ARMH3: variants seen among roughly 807,000 people sequenced by gnomAD.
ARMH3 encodes the protein armadillo like helical domain containing 3.
In ARMH3, 60 loss-of-function variants were observed where a neutral mutation model predicts 99.1. The ratio of observed to expected loss-of-function variants is 0.61; its 90% CI spans 0.49 to 0.75. The LOEUF is 0.75. Ranked by LOEUF, ARMH3 falls within the 30% of genes least tolerant of loss-of-function variation. The pLI is 0.00. For synonymous variants in ARMH3, 285 were observed against 292.8 expected, an observed-to-expected ratio of 0.97 and a Z score of 0.27; for missense variants, 679 against 843.1, an observed-to-expected ratio of 0.81 and a Z score of 2.41.
intron 8 of ARMH3, among the ~76,000 whole-genome samples, chr10:102,015,888 C>T (rs764896485): frequency 2.1e-4 from 32 of 152,228 alleles, no homozygotes; most frequent in Non-Finnish European, 3.4e-4. Flanking sequence ...AATCCTAACG[C>T]TTTGGTAGGC....
At chr10:101,879,355 A>AT (rs780370509) in intron 24 of ARMH3, among the ~76,000 whole-genome samples, 285 of 143,370 alleles carry the variant, frequency 2.0e-3, no homozygotes, top group East Asian at 3.3e-3. Flanking sequence ...TTACATAAGA[A>AT]TTTTTTTTTT....
At chr10:101,882,759 A>T (rs565806196) in intron 24 of ARMH3, among the ~76,000 whole-genome samples, 1 of 152,298 alleles carries the variant, frequency 6.6e-6, no homozygotes, top group Non-Finnish European at 1.5e-5. Flanking sequence ...GCCCGCCCAA[A>T]GTGCTGGGAT....
intron 13 of ARMH3, among the ~76,000 whole-genome samples, chr10:102,008,766 C>A (rs894184086): frequency 6.6e-6 from 1 of 151,522 alleles, no homozygotes; most frequent in African/African-American, 2.4e-5. Flanking sequence ...AGGGTTTCAC[C>A]GTGTTAGCCA....
chr10:101,949,664 C>T (rs1471548917), intron 22 of ARMH3, among the ~76,000 whole-genome samples: 2 of 152,074 alleles, frequency 1.3e-5, no homozygotes, highest in Non-Finnish European at 2.9e-5. Flanking sequence ...CACTCTTAAA[C>T]AAATTCTTCT....
chr10:101,847,658 C>A (rs368368035), intron 25 of ARMH3, 38 bp from the exon 26 acceptor site: 1 of 1,582,092 alleles, frequency 6.3e-7, no homozygotes, highest in African/African-American at 1.3e-5. Flanking sequence ...GAGGGCGCAG[C>A]CAGAGAGAAA....
chr10:102,030,832 A>G (rs1346534051), intron 4 of ARMH3, among the ~76,000 whole-genome samples: 2 of 152,020 alleles, frequency 1.3e-5, no homozygotes, highest in African/African-American at 4.8e-5. Flanking sequence ...CCCAGGCTGG[A>G]GTGCAGTGGC....
intron 15 of ARMH3, among the ~76,000 whole-genome samples, chr10:101,997,340 T>C (rs1045211702): frequency 5.3e-5 from 8 of 151,598 alleles, no homozygotes; most frequent in African/African-American, 1.9e-4. Context: ...ATGCCTGTAA[T>C]CCCAGCACTT....
chr10:102,020,547 G>A (rs1468800324), intron 8 of ARMH3, among the ~76,000 whole-genome samples: 3 of 151,898 alleles, frequency 2.0e-5, no homozygotes, highest in Admixed American at 6.6e-5. Context: ...TTAGCCAGGC[G>A]TGGTGGCGGG....
chr10:101,985,154 ATG>A (rs1337663749), intron 19 of ARMH3, among the ~76,000 whole-genome samples: 5 of 149,948 alleles, frequency 3.3e-5, no homozygotes, highest in Non-Finnish European at 5.9e-5. Flanking sequence ...TATAAATATA[ATG>A]TATATATACG....
intron 20 of ARMH3, among the ~76,000 whole-genome samples, 163 bp downstream of exon 20, chr10:101,975,049 T>TAAAAAAAAAAAAAAAAAAA (rs11399489): frequency 1.6e-3 from 47 of 29,586 alleles, no homozygotes; most frequent in South Asian, 3.4e-3. Flanking sequence ...AGCTAAAACG[T>TAAAAAAAAAAAAAAAAAAA]AAAAAAAAAA....
chr10:101,952,149 A>G (rs1356412777), intron 22 of ARMH3, among the ~76,000 whole-genome samples: 1 of 152,220 alleles, frequency 6.6e-6, no homozygotes, highest in Non-Finnish European at 1.5e-5. Context: ...AAACAAAATA[A>G]AGAACAGACT....
At chr10:101,903,858 T>C (rs561264522) in intron 23 of ARMH3, among the ~76,000 whole-genome samples, 1 of 152,326 alleles carries the variant, frequency 6.6e-6, no homozygotes, top group African/African-American at 2.4e-5. Context: ...TGTTTACACC[T>C]GTTTGCTCAG....
Position 101,846,054 on chromosome 10 carries a change from G to C in ARMH3, c.*1474C>G, listed in dbSNP as rs1166403984. 1 of 152,170 alleles carries C rather than the reference G, an allele frequency of 6.6e-6. No homozygotes were observed. The highest frequency in any genetic ancestry group is 1.5e-5 in the Non-Finnish European group (1 of 68,032). The allele number at this position is 152,170 out of a possible 1,614,324, so 9.4% of individuals were successfully genotyped here. A position where few individuals can be genotyped will look rare whatever the true frequency, so the allele number is the denominator to read the frequency against. Reference sequence around the variant, plus strand: ...GGCAGCTGTTGGGAAAGCCTATAGTGGTTCCATGGAGGCTATCCAAGGGAG... The same window carrying C: ...GGCAGCTGTTGGGAAAGCCTATAGTCGTTCCATGGAGGCTATCCAAGGGAG... On this transcript the variant is annotated 3_prime_UTR_variant, in exon 26 of 26. Transcript: ENST00000370033.
At chr10:101,975,049 T>TAAAAAAAAAAAAAAAACAAA (rs1845930036) in intron 20 of ARMH3, among the ~76,000 whole-genome samples, 163 bp downstream of exon 20, 1 of 29,668 alleles carries the variant, frequency 3.4e-5, no homozygotes, top group Non-Finnish European at 6.0e-5. Context: ...AGCTAAAACG[T>TAAAAAAAAAAAAAAAACAAA]AAAAAAAAAA....
intron 20 of ARMH3, 112 bp downstream of exon 20, chr10:101,975,100 G>T: frequency 6.4e-6 from 2 of 312,236 alleles, no homozygotes; most frequent in East Asian, 5.9e-5. Flanking sequence ...TGAAAATAAA[G>T]GCAACCTAAA....
At chr10:101,946,221 A>G (rs1320131966) in intron 22 of ARMH3, among the ~76,000 whole-genome samples, 1 of 152,178 alleles carries the variant, frequency 6.6e-6, no homozygotes, top group Admixed American at 6.5e-5. Context: ...CACATATGTT[A>G]AAATTATCAT....
At chr10:102,034,635 CAA>C (rs879442856) in intron 2 of ARMH3, among the ~76,000 whole-genome samples, 4 of 109,818 alleles carry the variant, frequency 3.6e-5, no homozygotes, top group Admixed American at 9.7e-5. Context: ...GACTCCATCT[CAA>C]AAAAAAAAAA....
chr10:101,879,471 T>G (rs1157386628), intron 24 of ARMH3, among the ~76,000 whole-genome samples: 1 of 151,936 alleles, frequency 6.6e-6, no homozygotes, highest in East Asian at 1.9e-4. Context: ...TGTCTCAGCC[T>G]CCCGAGTAGC....
intron 13 of ARMH3, among the ~76,000 whole-genome samples, chr10:102,008,721 T>G (rs1313962221): frequency 6.6e-6 from 1 of 151,698 alleles, no homozygotes; most frequent in Non-Finnish European, 1.5e-5. Flanking sequence ...CCCAGCTATT[T>G]TTTTTTTAAT....
Sources: allele counts gnomAD v4.1 joint callset (sites outside exome capture counted in the v4.1 genomes callset), GRCh38; gene constraint gnomAD v4.1.1; transcripts MANE v1.5; gene names NCBI Gene and HGNC (gene_info 2026-07-23, HGNC 2026-07-21).